JCAD: variants seen among roughly 807,000 people sequenced by gnomAD.
JCAD encodes junctional cadherin 5 associated.
In JCAD, 40 loss-of-function variants were observed where a neutral mutation model predicts 98.0. That is an observed-to-expected ratio of 0.41 (90% CI 0.32 to 0.53). The LOEUF (loss-of-function observed/expected upper bound fraction) is 0.53. JCAD is among the 20% of genes least tolerant of loss of function. The probability of loss-of-function intolerance (pLI) is 0.31; values close to 1 mark genes in which losing one functional copy is unlikely to be tolerated. For missense variants in JCAD, 1,705 were observed against 1,738.1 expected (o/e 0.98, Z 0.34); for synonymous variants, 691 against 682.3 (o/e 1.01, Z -0.20).
intron 1 of JCAD, among the ~76,000 whole-genome samples, chr10:30,050,677 G>A (rs938418409): frequency 6.6e-6 from 1 of 152,122 alleles, no homozygotes; most frequent in Non-Finnish European, 1.5e-5. Context: ...GGCTGGATAG[G>A]TTGGTCCAAT....
intron 1 of JCAD, among the ~76,000 whole-genome samples, chr10:30,108,118 G>A (rs148416042): frequency 7.6e-4 from 115 of 152,120 alleles, no homozygotes; most frequent in Non-Finnish European, 1.3e-3. Context: ...TTTGAGACCC[G>A]CCTGGCCAAC....
chr10:30,084,730 C>T (rs1033560995), intron 1 of JCAD, among the ~76,000 whole-genome samples: 1 of 152,176 alleles, frequency 6.6e-6, no homozygotes, highest in African/African-American at 2.4e-5. Flanking sequence ...GAAGATCTTG[C>T]AACTTGTCAG....
chr10:30,026,329 G>A lies in JCAD; in HGVS notation c.3819C>T (p.Val1273=). 1 of 1,614,112 alleles carries A rather than the reference G, an allele frequency of 6.2e-7. No individual in the cohort carries two copies. Among genetic ancestry groups the A allele is most frequent in the Non-Finnish European group, 8.5e-7 (1 of 1,180,014 alleles). The stretch of plus-strand genomic sequence containing the variant: ...GGGAGTCGGCATTCCTGAAGCTCAG[G>A]ACTCTCATCCGTGACACTGAGCTCA... ...KEVSSVSRMR[V]LSFRNADSQE... is the part of the protein sequence containing the mutation. Residue 1273 remains valine, a synonymous_variant, in exon 3 of 4, where the codon GTC becomes GTT. Coordinates refer to ENST00000375377, the MANE Select transcript of JCAD (RefSeq NM_020848.4).
intron 1 of JCAD, among the ~76,000 whole-genome samples, chr10:30,077,602 C>T (rs1430746355): frequency 3.3e-5 from 5 of 152,170 alleles, no homozygotes; most frequent in African/African-American, 1.2e-4. Context: ...CCCTTCAGCC[C>T]CTGATAACCT....
chr10:30,027,797 G>A lies in JCAD; in HGVS notation c.2351C>T (p.Pro784Leu), dbSNP rs1836867034. The part of the protein sequence containing the change: ...APTPKAGRSQ[P>L]CVDVHGLGAH... ...TCCAAGCCCGTGGACATCCACGCAG[G>A]GCTGACTTCGGCCTGCTTTTGGCGT... Residue 784 changes from proline (P) to leucine (L), a missense_variant, in exon 3 of 4, where the codon CCC (proline) becomes CTC (leucine). Pro to Leu is a moderately conservative substitution (Grantham distance 98). Coordinates refer to ENST00000375377, the MANE Select transcript of JCAD (RefSeq NM_020848.4). 6.2e-7 allele frequency: 1 copy of A among 1,614,146 alleles called. No individual in the cohort carries two copies. Among genetic ancestry groups the A allele is most frequent in the Admixed American group, 1.7e-5 (1 of 60,008 alleles).
chr10:30,018,152 C>G lies in JCAD; in HGVS notation c.4046-235G>C, dbSNP rs528808668. ...CCAAACACAGATGGGAAAATATGAA[C>G]TGCTGAATACTTCGGCGGCTCCTTC... is the stretch of plus-strand genomic sequence containing the variant. On this transcript the variant is annotated intron_variant, in intron 3 of 3. Coordinates refer to ENST00000375377, the MANE Select transcript of JCAD (RefSeq NM_020848.4). Among the ~76,000 whole-genome samples, 23 of 152,304 alleles carry G rather than the reference C, an allele frequency of 1.5e-4. No individual in the cohort carries two copies. In the South Asian group the frequency reaches 1.7e-3, roughly 11 times the overall value.
At chr10:30,095,252 T>C (rs995749114) in intron 1 of JCAD, among the ~76,000 whole-genome samples, 2 of 152,232 alleles carry the variant, frequency 1.3e-5, no homozygotes, top group Non-Finnish European at 2.9e-5. Context: ...CTCTTAACGT[T>C]ATTTTCTGAA....
chr10:30,037,934 TAAAAA>T (rs57504197), intron 2 of JCAD, among the ~76,000 whole-genome samples: 222 of 109,296 alleles, frequency 2.0e-3, no homozygotes, highest in African/African-American at 7.2e-3. Context: ...ATGGAAAAAT[TAAAAA>T]AAAAAAAAAA....
chr10:30,108,111 G>C (rs185066595), intron 1 of JCAD, among the ~76,000 whole-genome samples: 43 of 152,184 alleles, frequency 2.8e-4, no homozygotes, highest in African/African-American at 7.9e-4. Flanking sequence ...TCATGAGTTT[G>C]AGACCCGCCT....
intron 1 of JCAD, among the ~76,000 whole-genome samples, chr10:30,053,532 C>G (rs1837509759): frequency 6.8e-6 from 1 of 147,144 alleles, no homozygotes; most frequent in African/African-American, 2.5e-5. Context: ...ACACTCCAGC[C>G]TGGGTGACAG....
chr10:30,092,361 T>C (rs1838298819), intron 1 of JCAD, among the ~76,000 whole-genome samples: 1 of 151,540 alleles, frequency 6.6e-6, no homozygotes, highest in African/African-American at 2.4e-5. Context: ...GGTGTGTAAC[T>C]CCAGCTCCTC....
intron 1 of JCAD, 103 bp from the exon 2 acceptor site, chr10:30,047,974 G>A (rs191772913): frequency 3.1e-6 from 2 of 644,340 alleles, no homozygotes; most frequent in Admixed American, 3.0e-5. Context: ...CCATGGCGAT[G>A]GACACAGCAC....
chr10:30,081,130 A>C (rs1838077094), intron 1 of JCAD, among the ~76,000 whole-genome samples: 2 of 152,192 alleles, frequency 1.3e-5, no homozygotes, highest in South Asian at 4.1e-4. Context: ...TCCTGAGGTT[A>C]AGCTTAAAAG....
intron 1 of JCAD, among the ~76,000 whole-genome samples, chr10:30,086,417 T>A (rs1478443468): frequency 6.6e-6 from 1 of 152,196 alleles, no homozygotes; most frequent in African/African-American, 2.4e-5. Context: ...GTTGAGAGCT[T>A]ACTTCTTTTG....
chr10:30,058,703 G>A (rs898980480), intron 1 of JCAD, among the ~76,000 whole-genome samples: 1 of 152,176 alleles, frequency 6.6e-6, no homozygotes, highest in Admixed American at 6.5e-5. Flanking sequence ...GAAGTAGAGG[G>A]TGCCCGCGGA....
chr10:30,027,848 G>T lies in JCAD; in HGVS notation c.2300C>A (p.Thr767Asn). 4 of 1,614,270 alleles carry T rather than the reference G, an allele frequency of 2.5e-6. No homozygotes were observed. The highest frequency in any genetic ancestry group is 3.4e-6 in the Non-Finnish European group (4 of 1,180,048). ...CGGTGCCTGGTCCACGGACAAGGAA[G>T]TCCTTGAGAACGCACTGTTGCTGGA... ...SPSSNSAFSRTSLSVDQAPTP... is the reference protein window; with the variant it reads ...SPSSNSAFSRNSLSVDQAPTP... The change falls in exon 3 of 4, where the codon ACT becomes AAT. Residue 767 changes from threonine (T) to asparagine (N), a missense_variant. This residue lies in a region of JCAD where 1,278 missense variants were observed against 1,243.1 expected (regional missense o/e 1.03). Coordinates refer to ENST00000375377, the MANE Select transcript of JCAD (RefSeq NM_020848.4).
chr10:30,043,717 AAGTG>A (rs1837284097), intron 2 of JCAD, among the ~76,000 whole-genome samples: 1 of 152,178 alleles, frequency 6.6e-6, no homozygotes, highest in Non-Finnish European at 1.5e-5. Flanking sequence ...TCACAGAATC[AAGTG>A]CTCCTTTCAA....
rs778371105 is a variant in JCAD at position 30,029,815 on chromosome 10, G to A, written c.333C>T (p.Asn111=). Residue 111 remains asparagine, a synonymous_variant, in exon 3 of 4, where the codon AAC becomes AAT. Transcript: ENST00000375377. ...SAWSSHPPTG[N]DQAYRRRGRQ... is the part of the protein sequence containing the mutation. Reference sequence around the variant, plus strand: ...GTCCTCTTCTCCGGTAGGCTTGGTCGTTACCAGTCGGGGGATGAGAGGACC... The same window carrying A: ...GTCCTCTTCTCCGGTAGGCTTGGTCATTACCAGTCGGGGGATGAGAGGACC... 37 of 1,614,066 alleles carry A rather than the reference G, an allele frequency of 2.3e-5. No individual in the cohort carries two copies. Among genetic ancestry groups the A allele is most frequent in the African/African-American group, 6.7e-5 (5 of 74,920 alleles).
chr10:30,048,842 A>G (rs1245044307), intron 1 of JCAD, among the ~76,000 whole-genome samples: 1 of 152,218 alleles, frequency 6.6e-6, no homozygotes, highest in Non-Finnish European at 1.5e-5. Flanking sequence ...TGCTGGGATT[A>G]CAGCCATGAG....
Sources: gnomAD v4.1 joint callset for allele counts (sites outside exome capture counted in the v4.1 genomes callset) on GRCh38, gnomAD v4.1.1 for gene constraint, gnomAD v4.1.1 regional missense constraint, MANE v1.5 for transcripts, NCBI Gene and HGNC (gene_info 2026-07-23, HGNC 2026-07-21) for gene names.